Variants in TAFA2 observed in about 807,000 individuals in gnomAD.
TAFA2 encodes TAFA chemokine like family member 2, also known as chemokine-like protein TAFA-2.
Under a neutral mutation model 18.8 loss-of-function variants are expected in TAFA2, and 7 were observed. The observed-to-expected ratio is 0.37, with a 90% CI of 0.21 to 0.70. The LOEUF is 0.70. TAFA2 is among the 30% of genes least tolerant of loss of function. The probability of loss-of-function intolerance (pLI) is 0.53; values close to 1 mark genes in which losing one functional copy is unlikely to be tolerated. For missense variants in TAFA2, 122 were observed against 158.1 expected (o/e 0.77, Z 1.23); for synonymous variants, 60 against 54.2 (o/e 1.11, Z -0.47).
chr12:61,821,188 A>T (rs993005804), intron 2 of TAFA2, among the ~76,000 whole-genome samples: 2 of 151,354 alleles, frequency 1.3e-5, no homozygotes, highest in African/African-American at 2.4e-5. Context: ...GTGCTGAAAC[A>T]TCTTATTACC....
At position 62,233,066 on chromosome 12, in the gene TAFA2, CTTTTTTTTTTT is replaced by C. The variant is rs34781688; in HGVS notation, c.-130+25686_-130+25696del. On this transcript the variant is annotated intron_variant, in intron 1 of 5. Coordinates refer to the TAFA2 transcript ENST00000551619. ...TGTCCTCCCAGCAATTTCTGCATCT[CTTTTTTTTTTT>C]TTTTTTTTTTTTTTTTTTTTTGAGA... is the stretch of plus-strand genomic sequence containing the variant. 1.1e-3 allele frequency among the ~76,000 whole-genome samples: 43 copies of C among 39,574 alleles called. No individual in the cohort carries two copies. In the South Asian group the frequency reaches 0.014, roughly 13 times the overall value. 26.0% of individuals were successfully genotyped at this position (39,574 alleles called of 152,430 possible). A position where few individuals can be genotyped will look rare whatever the true frequency, so the allele number is the denominator to read the frequency against.
At chr12:62,244,955 T>C in intron 1 of TAFA2, among the ~76,000 whole-genome samples, 1 of 152,186 alleles carries the variant, frequency 6.6e-6, no homozygotes, top group East Asian at 1.9e-4. Context: ...TCACTTCAAA[T>C]ATCTTCTGCC....
chr12:62,042,437 G>GTC (rs1881788330), intron 1 of TAFA2, among the ~76,000 whole-genome samples: 1 of 146,640 alleles, frequency 6.8e-6, no homozygotes, highest in Non-Finnish European at 1.5e-5. Context: ...GTGCGCGTGT[G>GTC]TGTGTGTGTG....
At chr12:61,987,793 C>T (rs1879867464) in intron 1 of TAFA2, among the ~76,000 whole-genome samples, 1 of 152,134 alleles carries the variant, frequency 6.6e-6, no homozygotes, top group South Asian at 2.1e-4. Context: ...ACGGATGTTA[C>T]GGGATGTTGC....
chr12:61,968,268 A>G (rs569493026), intron 1 of TAFA2, among the ~76,000 whole-genome samples: 2 of 151,672 alleles, frequency 1.3e-5, no homozygotes, highest in East Asian at 3.9e-4. Flanking sequence ...TATCTTCCAT[A>G]CCGCTCTACA....
intron 1 of TAFA2, among the ~76,000 whole-genome samples, chr12:62,125,659 T>A (rs1375966451): frequency 6.6e-6 from 1 of 150,948 alleles, no homozygotes; most frequent in East Asian, 1.9e-4. Flanking sequence ...GAACCTAAGA[T>A]AACTCCCGCA....
chr12:62,253,593 TC>T (rs1196397493), intron 1 of TAFA2: 1 of 152,222 alleles, frequency 6.6e-6, no homozygotes, highest in African/African-American at 2.4e-5. Flanking sequence ...CCTTCCACAT[TC>T]CTTGGCTCAT....
chr12:61,724,786 T>C (rs1233292508), intron 4 of TAFA2, among the ~76,000 whole-genome samples: 1 of 86,230 alleles, frequency 1.2e-5, no homozygotes, highest in African/African-American at 5.4e-5. Context: ...TGTGTGTGTG[T>C]GTGTGTGTGT....
At chr12:62,083,913 G>T (rs1484097306) in intron 1 of TAFA2, among the ~76,000 whole-genome samples, 1 of 152,048 alleles carries the variant, frequency 6.6e-6, no homozygotes, top group Non-Finnish European at 1.5e-5. Flanking sequence ...CCACACTGCT[G>T]TTATTTGGAG....
At chr12:61,782,523 A>G (rs1870548937) in intron 2 of TAFA2, among the ~76,000 whole-genome samples, 1 of 151,628 alleles carries the variant, frequency 6.6e-6, no homozygotes, top group African/African-American at 2.4e-5. Context: ...TGTCTCCCCA[A>G]AATGTTTTTT....
intron 1 of TAFA2, among the ~76,000 whole-genome samples, chr12:62,042,239 G>A (rs745527225): frequency 2.0e-5 from 3 of 151,970 alleles, no homozygotes; most frequent in African/African-American, 7.2e-5. Flanking sequence ...TCTGCTCAGT[G>A]TCTAGGTCAA....
At chr12:61,877,215 T>C (rs907193209) in intron 1 of TAFA2, among the ~76,000 whole-genome samples, 7 of 152,202 alleles carry the variant, frequency 4.6e-5, no homozygotes, top group Non-Finnish European at 7.4e-5. Flanking sequence ...CAATAAGATT[T>C]CAGTAGCTTT....
intron 1 of TAFA2, among the ~76,000 whole-genome samples, chr12:62,223,924 T>C (rs1029759892): frequency 1.3e-5 from 2 of 152,164 alleles, no homozygotes; most frequent in African/African-American, 4.8e-5. Flanking sequence ...GATCCAGCAA[T>C]TCTATTTCTG....
At chr12:61,907,440 T>C (rs1876408057) in intron 1 of TAFA2, among the ~76,000 whole-genome samples, 1 of 152,188 alleles carries the variant, frequency 6.6e-6, no homozygotes. Context: ...GTTGGGCCTG[T>C]TGGTGCAGAG....
intron 2 of TAFA2, chr12:61,776,137 G>T: frequency 2.4e-6 from 1 of 408,394 alleles, no homozygotes; most frequent in Admixed American, 2.5e-5. Context: ...CATGCTGTTG[G>T]CATTATTGTA....
At chr12:62,026,341 T>C (rs1322658827) in intron 1 of TAFA2, among the ~76,000 whole-genome samples, 8 of 152,062 alleles carry the variant, frequency 5.3e-5, no homozygotes, top group Non-Finnish European at 1.2e-4. Flanking sequence ...AGGTTTGCCC[T>C]TAAAGCGCCC....
At position 61,800,504 on chromosome 12, in the gene TAFA2, A is replaced by G. The variant is rs538610568; in HGVS notation, c.107-45480T>C. ...CCAATACTGAAGGAGAAACACCTGA[A>G]AATATGGAGCAAATACTCAGGAAAT... On this transcript the variant is annotated intron_variant, in intron 2 of 4. Coordinates refer to ENST00000416284, the MANE Select transcript of TAFA2 (RefSeq NM_178539.5). Among the ~76,000 whole-genome samples, 13 of 152,292 alleles carry G rather than the reference A, an allele frequency of 8.5e-5. No individual in the cohort carries two copies. In the East Asian group the frequency reaches 2.3e-3, roughly 27 times the overall value.
At chr12:61,714,600 A>G (rs1869562294) in intron 4 of TAFA2, among the ~76,000 whole-genome samples, 1 of 152,348 alleles carries the variant, frequency 6.6e-6, no homozygotes, top group Non-Finnish European at 1.5e-5. Flanking sequence ...TTGAGAAAAT[A>G]AAACCTGGTT....
At chr12:62,138,997 A>G (rs955718596) in intron 1 of TAFA2, among the ~76,000 whole-genome samples, 2 of 152,122 alleles carry the variant, frequency 1.3e-5, no homozygotes, top group Non-Finnish European at 2.9e-5. Context: ...TTCCTTTTCC[A>G]TGGAGTAATT....
Sources: allele counts gnomAD v4.1 joint callset (sites outside exome capture counted in the v4.1 genomes callset), GRCh38; gene constraint gnomAD v4.1.1; transcripts MANE v1.5; gene names NCBI Gene and HGNC (gene_info 2026-07-23, HGNC 2026-07-21).